MAD1L1: variants seen among roughly 807,000 people sequenced by gnomAD.
The protein encoded by MAD1L1 is mitotic arrest deficient 1 like 1.
A neutral mutation model predicts 96.9 loss-of-function variants in MAD1L1; 95 were observed. The observed-to-expected ratio is 0.98, with a 90% CI of 0.83 to 1.16. The LOEUF (loss-of-function observed/expected upper bound fraction) is 1.16. MAD1L1 is among the 50% of genes most tolerant of loss of function. The pLI is 0.00. For synonymous variants in MAD1L1, 473 were observed against 396.6 expected (o/e 1.19, Z -2.29); for missense variants, 1,007 against 954.4 (o/e 1.06, Z -0.73).
At chr7:1,999,815 C>G (rs993136196) in intron 14 of MAD1L1, among the ~76,000 whole-genome samples, 3 of 152,226 alleles carry the variant, frequency 2.0e-5, no homozygotes, top group African/African-American at 4.8e-5. Flanking sequence ...ACGCCGGCCG[C>G]AGGGCCCAGG....
At chr7:2,044,685 C>T (rs892160111) in intron 12 of MAD1L1, among the ~76,000 whole-genome samples, 3 of 152,262 alleles carry the variant, frequency 2.0e-5, no homozygotes, top group Non-Finnish European at 2.9e-5. Context: ...TCCTGTACAG[C>T]GAGGGCGACT....
Position 2,119,329 on chromosome 7 carries a change from A to G in MAD1L1, c.1073+29823T>C, listed in dbSNP as rs957221050. ...CATGGCTCTCCGCAGCGCCTTCCCT[A>G]TCGCATCTCCATCACCCACCCTTTC... On this transcript the variant is annotated intron_variant, in intron 11 of 18. Transcript: ENST00000265854. This position sits in a 1 kb window ranked among gnomAD's most constrained non-coding sequence, Gnocchi z 4.6. Among the ~76,000 whole-genome samples, 1 of 151,952 alleles carries G rather than the reference A, an allele frequency of 6.6e-6. No homozygotes were observed. Among genetic ancestry groups the G allele is most frequent in the African/African-American group, 2.4e-5 (1 of 41,356 alleles).
chr7:1,858,622 G>T (rs1784374303), intron 18 of MAD1L1, among the ~76,000 whole-genome samples: 2 of 152,216 alleles, frequency 1.3e-5, no homozygotes, highest in Admixed American at 1.3e-4. Flanking sequence ...TGGCGGGGCT[G>T]CTAGGGTCAG....
Position 2,091,160 on chromosome 7 carries a change from T to C in MAD1L1, c.1074-21822A>G, listed in dbSNP as rs544744801. Reference sequence around the variant, plus strand: ...TCCTTTTGGGTTTTCTGCATTTCCTTACTTTCTGGAACTAGAAGACACTCC... The same window carrying C: ...TCCTTTTGGGTTTTCTGCATTTCCTCACTTTCTGGAACTAGAAGACACTCC... On this transcript the variant is annotated intron_variant, in intron 11 of 18. Coordinates refer to ENST00000265854, the MANE Select transcript of MAD1L1 (RefSeq NM_001013836.2). Among the ~76,000 whole-genome samples the C allele has an allele frequency of 4.6e-5, 7 of 152,312 alleles. No individual in the cohort carries two copies. In the East Asian group the frequency reaches 1.4e-3, roughly 29 times the overall value.
intron 17 of MAD1L1, among the ~76,000 whole-genome samples, chr7:1,926,710 T>G (rs1789110614): frequency 6.6e-6 from 1 of 152,002 alleles, no homozygotes; most frequent in Non-Finnish European, 1.5e-5. Flanking sequence ...CTCAGCAAAC[T>G]AAGAATGGAA....
chr7:2,205,084 C>CTTTTTTTTTTTTT (rs56101356), intron 10 of MAD1L1, among the ~76,000 whole-genome samples: 2 of 103,860 alleles, frequency 1.9e-5, no homozygotes, highest in Non-Finnish European at 3.7e-5. Flanking sequence ...AGGATCTTTT[C>CTTTTTTTTTTTTT]TTTTTTTTTT....
chr7:2,180,189 A>T (rs1791136250), intron 10 of MAD1L1, among the ~76,000 whole-genome samples: 1 of 152,166 alleles, frequency 6.6e-6, no homozygotes. Flanking sequence ...CTAAGGGGCC[A>T]TGTCCGTGCA....
At chr7:2,218,188 C>T (rs998783792) in intron 6 of MAD1L1, 145 bp from the exon 7 acceptor site, 25 of 638,882 alleles carry the variant, frequency 3.9e-5, no homozygotes, top group Non-Finnish European at 6.8e-5. Context: ...ACAGACCCCC[C>T]GCCCCCCGCC....
Position 2,016,161 on chromosome 7 carries a change from G to A in MAD1L1, c.1219-1519C>T, listed in dbSNP as rs1222771738. 2.0e-5 allele frequency among the ~76,000 whole-genome samples: 3 copies of A among 152,006 alleles called. No homozygotes were observed. In the East Asian group the frequency reaches 5.8e-4, roughly 29 times the overall value. ...TGGAAACAACAGGTGCTCAAGAAGC[G>A]AGAGCCAGGACCTCACAAACCCGGG... On this transcript the variant is annotated intron_variant, in intron 12 of 18. Coordinates refer to ENST00000265854, the MANE Select transcript of MAD1L1 (RefSeq NM_001013836.2).
intron 12 of MAD1L1, among the ~76,000 whole-genome samples, chr7:2,018,457 A>G (rs1195987011): frequency 6.6e-6 from 1 of 152,130 alleles, no homozygotes; most frequent in Non-Finnish European, 1.5e-5. Context: ...TGGCCAGGAG[A>G]GCAGGCAGGT....
At chr7:2,123,966 G>T (rs1021494299) in intron 11 of MAD1L1, among the ~76,000 whole-genome samples, 35 of 138,996 alleles carry the variant, frequency 2.5e-4, no homozygotes, top group African/African-American at 1.1e-3. Flanking sequence ...AGGCAGCAAG[G>T]GGCGGGGGCT....
At chr7:1,958,872 C>A (rs897814332) in intron 15 of MAD1L1, among the ~76,000 whole-genome samples, 1 of 152,206 alleles carries the variant, frequency 6.6e-6, no homozygotes, top group Non-Finnish European at 1.5e-5. Flanking sequence ...GTCAGATAAA[C>A]ATGCTGGATG....
chr7:1,937,590 C>G (rs561600730), intron 16 of MAD1L1, among the ~76,000 whole-genome samples: 2 of 151,716 alleles, frequency 1.3e-5, no homozygotes, highest in South Asian at 4.2e-4. Context: ...CCGCCCACAG[C>G]AGGGAACAGC....
At chr7:2,041,022 A>G (rs1440631115) in intron 12 of MAD1L1, among the ~76,000 whole-genome samples, 2 of 152,218 alleles carry the variant, frequency 1.3e-5, no homozygotes, top group Non-Finnish European at 1.5e-5. Flanking sequence ...AAGAGCTCTC[A>G]GCACACAAGG....
chr7:2,054,771 C>T (rs1052498167), intron 12 of MAD1L1, among the ~76,000 whole-genome samples: 4 of 152,184 alleles, frequency 2.6e-5, no homozygotes, highest in Admixed American at 6.5e-5. Flanking sequence ...GGCTTTGCAC[C>T]GATCCAGGTG....
chr7:1,959,759 C>A (rs1779874854), intron 15 of MAD1L1, among the ~76,000 whole-genome samples: 2 of 152,142 alleles, frequency 1.3e-5, no homozygotes, highest in Admixed American at 6.5e-5. Context: ...TTAAAGAATT[C>A]ATCATCAGCC....
chr7:2,173,575 C>T (rs757715865), intron 10 of MAD1L1, among the ~76,000 whole-genome samples: 3 of 152,208 alleles, frequency 2.0e-5, no homozygotes, highest in South Asian at 4.1e-4. Context: ...CATGCTCACC[C>T]GGCATCGGGC....
intron 11 of MAD1L1, among the ~76,000 whole-genome samples, chr7:2,132,638 C>T (rs970048192): frequency 2.5e-4 from 38 of 152,342 alleles, no homozygotes; most frequent in African/African-American, 8.9e-4. Context: ...AGGAGAAATC[C>T]CACAGTACAC....
intron 10 of MAD1L1, among the ~76,000 whole-genome samples, chr7:2,188,299 A>G (rs1176392404): frequency 5.9e-5 from 9 of 152,232 alleles, no homozygotes; most frequent in Non-Finnish European, 8.8e-5. Context: ...AATCCCTATC[A>G]AGACCTAACT....
Sources: gnomAD v4.1 joint callset for allele counts (sites outside exome capture counted in the v4.1 genomes callset) on GRCh38, gnomAD v4.1.1 for gene constraint, Gnocchi (gnomAD v3.1) non-coding constraint, MANE v1.5 for transcripts, NCBI Gene and HGNC (gene_info 2026-07-23, HGNC 2026-07-21) for gene names.